Variants in NCAM2 observed in about 807,000 individuals in gnomAD.
The protein encoded by NCAM2 is neural cell adhesion molecule 2.
In NCAM2, 30 loss-of-function variants were observed where a neutral mutation model predicts 98.1. That is an observed-to-expected ratio of 0.31 (90% CI 0.23 to 0.41). The LOEUF (loss-of-function observed/expected upper bound fraction) is 0.41. Ranked by LOEUF, NCAM2 falls within the 10% of genes least tolerant of loss-of-function variation. The pLI is 1.00. For missense variants in NCAM2, 867 were observed against 1,005.8 expected, an observed-to-expected ratio of 0.86 and a Z score of 1.87; for synonymous variants, 368 against 342.4, an observed-to-expected ratio of 1.07 and a Z score of -0.83.
chr21:21,171,073 CATTTAT>C (rs1210018664), intron 1 of NCAM2, among the ~76,000 whole-genome samples: 27 of 152,152 alleles, frequency 1.8e-4, no homozygotes, highest in Admixed American at 1.8e-3. Flanking sequence ...TGTGGTAATA[CATTTAT>C]AATGTGATAC....
chr21:21,247,688 G>A (rs139920825), intron 1 of NCAM2, among the ~76,000 whole-genome samples: 2,518 of 152,130 alleles, frequency 0.017, 27 homozygotes, highest in Non-Finnish European at 0.028. Context: ...ACAGTATTAC[G>A]TTTAAAGGTA....
At chr21:21,490,610 A>G (rs531505917) in intron 15 of NCAM2, among the ~76,000 whole-genome samples, 1 of 151,860 alleles carries the variant, frequency 6.6e-6, no homozygotes, top group Non-Finnish European at 1.5e-5. Context: ...TACGACATAA[A>G]TCTAGCTAGT....
intron 1 of NCAM2, among the ~76,000 whole-genome samples, chr21:21,114,401 A>T (rs747746986): frequency 1.3e-5 from 2 of 152,222 alleles, no homozygotes; most frequent in Non-Finnish European, 2.9e-5. Context: ...ATCATTTGTA[A>T]ATTGCAGTTG....
At chr21:21,070,678 T>G (rs2065543781) in intron 1 of NCAM2, among the ~76,000 whole-genome samples, 1 of 152,072 alleles carries the variant, frequency 6.6e-6, no homozygotes, top group Non-Finnish European at 1.5e-5. Context: ...AATAGGGAGA[T>G]TAGGTGGTCA....
In NCAM2 at chr21:21,196,871, A is replaced by T. The variant is rs914948011; in HGVS notation, c.56-83707A>T. ...GGGGCCGTTTCTCATGAATGATTTA[A>T]CATCGTCCCCTTCAGTGCTGTTCCT... On this transcript the variant is annotated intron_variant, in intron 1 of 17. Coordinates refer to ENST00000400546, the MANE Select transcript of NCAM2 (RefSeq NM_004540.5). 3.9e-5 allele frequency among the ~76,000 whole-genome samples: 6 copies of T among 152,214 alleles called. No individual in the cohort carries two copies. The East Asian group carries it at 1.2e-3, about 29-fold the overall frequency.
chr21:21,120,092 G>A (rs930157758), intron 1 of NCAM2, among the ~76,000 whole-genome samples: 10 of 152,096 alleles, frequency 6.6e-5, no homozygotes, highest in African/African-American at 9.7e-5. Flanking sequence ...TGCTTATTTC[G>A]TTGGAAAGGT....
At chr21:21,486,298 C>T (rs1216565128) in intron 15 of NCAM2, among the ~76,000 whole-genome samples, 2 of 90,164 alleles carry the variant, frequency 2.2e-5, no homozygotes, top group African/African-American at 5.4e-5. Flanking sequence ...AGCGAGACTC[C>T]GTCTCAAAAA....
At chr21:21,091,106 C>T (rs1378227500) in intron 1 of NCAM2, among the ~76,000 whole-genome samples, 1 of 152,150 alleles carries the variant, frequency 6.6e-6, no homozygotes, top group Non-Finnish European at 1.5e-5. Flanking sequence ...GAGTTCGATG[C>T]TTGGCACATA....
At chr21:21,289,946 CTTAAA>C (rs1423061133) in intron 4 of NCAM2, 6 of 151,928 alleles carry the variant, frequency 3.9e-5, no homozygotes, top group Non-Finnish European at 5.9e-5. Context: ...GAGAAGAAGA[CTTAAA>C]TTAAATAACG....
At chr21:21,315,231 T>A (rs891139584) in intron 5 of NCAM2, among the ~76,000 whole-genome samples, 2 of 152,144 alleles carry the variant, frequency 1.3e-5, no homozygotes, top group Non-Finnish European at 2.9e-5. Context: ...ATATGGAGGT[T>A]TACCTTTTAG....
At position 21,497,795 on chromosome 21, in the gene NCAM2, C is replaced by T. The variant is rs141159439; in HGVS notation, c.2078-11056C>T. On this transcript the variant is annotated intron_variant, in intron 15 of 17. Coordinates refer to ENST00000400546, the MANE Select transcript of NCAM2 (RefSeq NM_004540.5). ...TACATCAAGACTGTTCAGCAAAGTACACATAAAATGGTACATTAAAACGAC... is the reference window on the plus strand; with the variant it reads ...TACATCAAGACTGTTCAGCAAAGTATACATAAAATGGTACATTAAAACGAC... 5.7e-3 allele frequency among the ~76,000 whole-genome samples: 861 copies of T among 152,114 alleles called. 8 individuals carry two copies. The highest frequency in any genetic ancestry group is 0.02 in the African/African-American group (824 of 41,508).
At chr21:21,265,166 A>G (rs1248191420) in intron 1 of NCAM2, among the ~76,000 whole-genome samples, 4 of 122,120 alleles carry the variant, frequency 3.3e-5, no homozygotes, top group African/African-American at 5.9e-5. Flanking sequence ...ATACTTATAT[A>G]TATTATATAT....
At chr21:21,065,270 A>G (rs1189518117) in intron 1 of NCAM2, among the ~76,000 whole-genome samples, 1 of 152,134 alleles carries the variant, frequency 6.6e-6, no homozygotes, top group Non-Finnish European at 1.5e-5. Context: ...TCATAAGCCA[A>G]TAATACTTCC....
At chr21:21,044,688 A>G (rs949177515) in intron 1 of NCAM2, among the ~76,000 whole-genome samples, 1 of 152,216 alleles carries the variant, frequency 6.6e-6, no homozygotes, top group Non-Finnish European at 1.5e-5. Flanking sequence ...GGATATGGCC[A>G]GATATGGCAG....
At chr21:21,348,272 A>C (rs1388849911) in intron 8 of NCAM2, among the ~76,000 whole-genome samples, 1 of 152,166 alleles carries the variant, frequency 6.6e-6, no homozygotes, top group African/African-American at 2.4e-5. Context: ...TGCAAGATAC[A>C]AAATCAACAT....
At chr21:21,007,931 G>A (rs1245349648) in intron 1 of NCAM2, among the ~76,000 whole-genome samples, 2 of 152,074 alleles carry the variant, frequency 1.3e-5, no homozygotes, top group Admixed American at 6.6e-5. Context: ...CGCCTCTGAC[G>A]TTTCTAATAC....
intron 10 of NCAM2, among the ~76,000 whole-genome samples, chr21:21,417,091 T>A (rs527265391): frequency 6.6e-6 from 1 of 152,234 alleles, no homozygotes; most frequent in East Asian, 1.9e-4. Context: ...AAATTATTAA[T>A]CTTAAGGAGC....
chr21:21,012,777 G>A (rs1601087924), intron 1 of NCAM2, among the ~76,000 whole-genome samples: 1 of 151,894 alleles, frequency 6.6e-6, no homozygotes, highest in African/African-American at 2.4e-5. Flanking sequence ...TTTTCTGATA[G>A]CATATGCTCT....
intron 9 of NCAM2, among the ~76,000 whole-genome samples, chr21:21,398,216 G>T (rs1231794827): frequency 1.3e-5 from 2 of 152,168 alleles, no homozygotes; most frequent in Non-Finnish European, 2.9e-5. Context: ...AAGCTATGAG[G>T]ATGCAAAGGC....
Sources: allele counts gnomAD v4.1 joint callset (sites outside exome capture counted in the v4.1 genomes callset), GRCh38; gene constraint gnomAD v4.1.1; transcripts MANE v1.5; gene names NCBI Gene and HGNC (gene_info 2026-07-23, HGNC 2026-07-21).